EPB41L2: variants seen among roughly 807,000 people sequenced by gnomAD.
EPB41L2 encodes erythrocyte membrane protein band 4.1 like 2, also known as band 4.1-like protein 2.
In EPB41L2, 43 loss-of-function variants were observed where a neutral mutation model predicts 113.0. The observed-to-expected ratio is 0.38, with a 90% CI of 0.30 to 0.49. The LOEUF (loss-of-function observed/expected upper bound fraction) is 0.49. Among genes scored for constraint, EPB41L2 ranks in the 20% least tolerant of loss-of-function variants. EPB41L2 has a pLI of 0.95. For missense variants in EPB41L2, 1,147 were observed against 1,223.4 expected (o/e 0.94, Z 0.93); for synonymous variants, 442 against 436.7 (o/e 1.01, Z -0.15).
intron 1 of EPB41L2, among the ~76,000 whole-genome samples, chr6:131,051,039 C>A (rs1422304968): frequency 6.6e-6 from 1 of 152,114 alleles, no homozygotes; most frequent in Non-Finnish European, 1.5e-5. Context: ...AAGTCTAGTT[C>A]AAGTATATAA....
At chr6:130,883,597 A>G (rs1227113687) in intron 12 of EPB41L2, among the ~76,000 whole-genome samples, 1 of 152,216 alleles carries the variant, frequency 6.6e-6, no homozygotes, top group Non-Finnish European at 1.5e-5. Flanking sequence ...AAATAACTAG[A>G]TATGTCAAGT....
chr6:131,037,471 T>C (rs932687788), intron 1 of EPB41L2, among the ~76,000 whole-genome samples: 3 of 151,824 alleles, frequency 2.0e-5, no homozygotes, highest in Non-Finnish European at 4.4e-5. Flanking sequence ...CTAAAGCATA[T>C]AAATGCTTAT....
Position 130,867,609 on chromosome 6 carries a change from A to T in EPB41L2, c.2608-28T>A, listed in dbSNP as rs781532365. On this transcript the variant is annotated intron_variant, in intron 15 of 19. Coordinates refer to ENST00000337057, the MANE Select transcript of EPB41L2 (RefSeq NM_001431.4). ...GAGGTGGAAAAGGAAGGGAAAAATA[A>T]ATTCTAGAGGTAATAAAGTAAAAGT... is the stretch of plus-strand genomic sequence containing the variant. 1.9e-6 allele frequency: 3 copies of T among 1,613,066 alleles called. No individual in the cohort carries two copies. The South Asian group carries it at 3.3e-5, about 18-fold the overall frequency.
At chr6:131,019,955 AG>A (rs1287135346) in intron 1 of EPB41L2, among the ~76,000 whole-genome samples, 1 of 152,118 alleles carries the variant, frequency 6.6e-6, no homozygotes, top group Non-Finnish European at 1.5e-5. Context: ...ACTTTCCCAT[AG>A]TCTAGGTCCA....
chr6:130,928,457 G>A (rs889618135), intron 3 of EPB41L2, among the ~76,000 whole-genome samples: 9 of 152,174 alleles, frequency 5.9e-5, no homozygotes, highest in African/African-American at 2.2e-4. Context: ...ATAACAATTG[G>A]TTATGATGCT....
intron 10 of EPB41L2, among the ~76,000 whole-genome samples, chr6:130,892,039 C>A (rs1193301936): frequency 6.6e-6 from 1 of 152,092 alleles, no homozygotes; most frequent in Admixed American, 6.5e-5. Flanking sequence ...CTTTTGTTAA[C>A]CATTATATCA....
At chr6:130,895,412 G>A (rs1198759816) in intron 8 of EPB41L2, among the ~76,000 whole-genome samples, 1 of 152,168 alleles carries the variant, frequency 6.6e-6, no homozygotes, top group East Asian at 1.9e-4. Context: ...CACTGTAGGA[G>A]CTAACAGAGA....
intron 3 of EPB41L2, among the ~76,000 whole-genome samples, chr6:130,940,836 T>A (rs1810590646): frequency 6.6e-6 from 1 of 152,172 alleles, no homozygotes; most frequent in Non-Finnish European, 1.5e-5. Context: ...GACTCCAGCC[T>A]ATAGTAACTT....
chr6:130,841,363 AG>A (rs1438069338), intron 19 of EPB41L2, among the ~76,000 whole-genome samples: 1 of 152,196 alleles, frequency 6.6e-6, no homozygotes, highest in African/African-American at 2.4e-5. Context: ...CCAGTCATGC[AG>A]GGCATGATAA....
intron 1 of EPB41L2, among the ~76,000 whole-genome samples, chr6:131,034,337 G>A (rs951247673): frequency 1.3e-5 from 2 of 152,154 alleles, no homozygotes; most frequent in Admixed American, 1.3e-4. Context: ...GTCAGGTGTA[G>A]TGTCATACGC....
At chr6:131,020,958 T>TC (rs1789329965) in intron 1 of EPB41L2, among the ~76,000 whole-genome samples, 1 of 149,208 alleles carries the variant, frequency 6.7e-6, no homozygotes, top group African/African-American at 2.5e-5. Context: ...CCAGGCTAAT[T>TC]TTTTTTTTTT....
chr6:130,946,901 T>C (rs1562555833), intron 3 of EPB41L2, among the ~76,000 whole-genome samples: 1 of 151,842 alleles, frequency 6.6e-6, no homozygotes, highest in African/African-American at 2.4e-5. Context: ...AAGGTACTGA[T>C]AGGTAACAAG....
At chr6:131,021,663 GA>G (rs935447143) in intron 1 of EPB41L2, among the ~76,000 whole-genome samples, 75 of 145,138 alleles carry the variant, frequency 5.2e-4, no homozygotes, top group Admixed American at 1.0e-3. Context: ...TTCCGTCTGG[GA>G]AAAAAAAAAA....
At chr6:130,966,091 G>A (rs1775088810) in intron 1 of EPB41L2, among the ~76,000 whole-genome samples, 1 of 152,128 alleles carries the variant, frequency 6.6e-6, no homozygotes. Context: ...ATTTGTGTTG[G>A]GCAGGATTCA....
At chr6:130,874,681 G>A (rs1036512001) in intron 14 of EPB41L2, among the ~76,000 whole-genome samples, 1 of 152,270 alleles carries the variant, frequency 6.6e-6, no homozygotes, top group Non-Finnish European at 1.5e-5. Flanking sequence ...GAGAGGAAAA[G>A]AACAGAAAAA....
chr6:130,962,756 T>C (rs1773909713), intron 1 of EPB41L2, among the ~76,000 whole-genome samples: 1 of 152,194 alleles, frequency 6.6e-6, no homozygotes, highest in Admixed American at 6.5e-5. Context: ...CTTTCTCCTT[T>C]TTAATAGAAC....
At chr6:130,919,270 T>G (rs1429365594) in intron 4 of EPB41L2, among the ~76,000 whole-genome samples, 3 of 152,176 alleles carry the variant, frequency 2.0e-5, no homozygotes, top group Non-Finnish European at 4.4e-5. Context: ...AATTCCTTAT[T>G]TAGCATTAGT....
rs765749982 is a variant in EPB41L2 at position 130,878,244 on chromosome 6, C to T, written c.1903G>A (p.Asp635Asn). ...TTCAGTATGTCCTCCTGGGCCTTAT[C>T]CAGTTCCTAGCAATATGTAACGTAA... is the stretch of plus-strand genomic sequence containing the variant. ...RHSNLMLEEL[D>N]KAQEDILKHQ... is the part of the protein sequence containing the mutation. Residue 635 changes from aspartate to asparagine, a missense_variant, in exon 14 of 20, where the codon GAT becomes AAT. Transcript: ENST00000337057. 2.5e-6 allele frequency: 4 copies of T among 1,608,402 alleles called. No individual in the cohort carries two copies. The highest frequency in any genetic ancestry group is 2.7e-5 in the African/African-American group (2 of 74,614).
At chr6:130,965,568 T>C (rs1441263900) in intron 1 of EPB41L2, among the ~76,000 whole-genome samples, 2 of 151,936 alleles carry the variant, frequency 1.3e-5, no homozygotes, top group African/African-American at 4.8e-5. Flanking sequence ...ACAAATTTTA[T>C]TTTTAAATTT....
Sources: allele counts gnomAD v4.1 joint callset (sites outside exome capture counted in the v4.1 genomes callset), GRCh38; gene constraint gnomAD v4.1.1; transcripts MANE v1.5; gene names NCBI Gene and HGNC (gene_info 2026-07-23, HGNC 2026-07-21).